Variants in VEGFC observed in about 807,000 individuals in gnomAD.
VEGFC encodes FLT4 ligand DHM.
A neutral mutation model predicts 46.1 loss-of-function variants in VEGFC; 12 were observed. The observed-to-expected ratio is 0.26, with a 90% CI of 0.17 to 0.42. VEGFC has a LOEUF of 0.42. Among genes scored for constraint, VEGFC ranks in the 10% least tolerant of loss-of-function variants. The probability of loss-of-function intolerance (pLI) is 1.00; values close to 1 mark genes in which losing one functional copy is unlikely to be tolerated. For missense variants in VEGFC, 488 were observed against 529.4 expected (o/e 0.92, Z 0.77); for synonymous variants, 232 against 195.5 (o/e 1.19, Z -1.56).
At chr4:176,744,306 G>T (rs1735224364) in intron 1 of VEGFC, among the ~76,000 whole-genome samples, 1 of 151,842 alleles carries the variant, frequency 6.6e-6, no homozygotes, top group Non-Finnish European at 1.5e-5. Flanking sequence ...TATACAGAGT[G>T]CTCAGAACAT....
intron 6 of VEGFC, among the ~76,000 whole-genome samples, chr4:176,685,481 T>C (rs1369359215): frequency 6.6e-6 from 1 of 152,168 alleles, no homozygotes; most frequent in African/African-American, 2.4e-5. Context: ...TAGGATGAGT[T>C]GCAGTAAACA....
chr4:176,747,107 AT>A (rs1427116666), intron 1 of VEGFC, among the ~76,000 whole-genome samples: 49 of 152,262 alleles, frequency 3.2e-4, no homozygotes, highest in African/African-American at 1.2e-3. Context: ...TCATGGAAAT[AT>A]ATCATGGGAT....
intron 3 of VEGFC, among the ~76,000 whole-genome samples, chr4:176,717,807 C>A (rs1055477192): frequency 6.6e-6 from 1 of 152,034 alleles, no homozygotes; most frequent in African/African-American, 2.4e-5. Context: ...TTTAAAACTA[C>A]AACGAATTTA....
chr4:176,740,440 CTA>C (rs1490614617), intron 1 of VEGFC, among the ~76,000 whole-genome samples: 9 of 8,850 alleles, frequency 1.0e-3, no homozygotes, highest in East Asian at 0.033. Flanking sequence ...TATATATATT[CTA>C]TATAGAGTAT....
At chr4:176,749,865 C>T (rs1196774913) in intron 1 of VEGFC, among the ~76,000 whole-genome samples, 1 of 151,146 alleles carries the variant, frequency 6.6e-6, no homozygotes, top group Non-Finnish European at 1.5e-5. Context: ...ACTCCAGAAC[C>T]CCTACTTAAC....
At chr4:176,779,969 T>G (rs1735883934) in intron 1 of VEGFC, among the ~76,000 whole-genome samples, 1 of 152,206 alleles carries the variant, frequency 6.6e-6, no homozygotes, top group South Asian at 2.1e-4. Flanking sequence ...TAAGACATCT[T>G]GGTCATATTT....
intron 1 of VEGFC, among the ~76,000 whole-genome samples, chr4:176,770,979 TACACAC>T (rs148140472): frequency 3.4e-4 from 51 of 148,408 alleles, no homozygotes; most frequent in Non-Finnish European, 6.1e-4. Flanking sequence ...AAGTAACTGA[TACACAC>T]ACACACACAC....
At chr4:176,757,534 T>C (rs148591751) in intron 1 of VEGFC, among the ~76,000 whole-genome samples, 5 of 151,916 alleles carry the variant, frequency 3.3e-5, no homozygotes, top group African/African-American at 1.2e-4. Flanking sequence ...GGTACAGTCA[T>C]AGATAATCAA....
intron 1 of VEGFC, among the ~76,000 whole-genome samples, chr4:176,769,628 T>A (rs1735689836): frequency 6.6e-6 from 1 of 152,198 alleles, no homozygotes; most frequent in South Asian, 2.1e-4. Flanking sequence ...TGAACATGAC[T>A]CACAGGGATG....
intron 2 of VEGFC, among the ~76,000 whole-genome samples, chr4:176,728,260 TTTTC>T (rs1398421015): frequency 6.6e-6 from 1 of 152,194 alleles, no homozygotes; most frequent in East Asian, 1.9e-4. Flanking sequence ...AATGTTTGGT[TTTTC>T]TTTCTTAGGA....
At chr4:176,755,376 A>T (rs958563648) in intron 1 of VEGFC, among the ~76,000 whole-genome samples, 2 of 152,020 alleles carry the variant, frequency 1.3e-5, no homozygotes, top group Non-Finnish European at 2.9e-5. Context: ...TTTTGTATAA[A>T]TACCCAGCTC....
chr4:176,726,065 G>A (rs113282805), intron 3 of VEGFC, among the ~76,000 whole-genome samples: 4 of 151,942 alleles, frequency 2.6e-5, no homozygotes, highest in African/African-American at 9.7e-5. Context: ...AAACTATAAC[G>A]TCTTATTGTT....
intron 3 of VEGFC, among the ~76,000 whole-genome samples, chr4:176,724,746 T>A (rs1226726463): frequency 6.6e-6 from 1 of 152,114 alleles, no homozygotes; most frequent in Non-Finnish European, 1.5e-5. Flanking sequence ...AAGCACAAGA[T>A]CAAGAATCAT....
intron 2 of VEGFC, among the ~76,000 whole-genome samples, chr4:176,728,460 G>A (rs1178771334): frequency 2.0e-5 from 3 of 152,114 alleles, no homozygotes; most frequent in Non-Finnish European, 2.9e-5. Context: ...CTTTTCAGGC[G>A]GACTATTTGG....
chr4:176,691,783 T>C (rs1734184571), intron 4 of VEGFC, among the ~76,000 whole-genome samples: 1 of 151,944 alleles, frequency 6.6e-6, no homozygotes, highest in Non-Finnish European at 1.5e-5. Flanking sequence ...AATTACCAGC[T>C]CTTGGGGAGG....
chr4:176,754,730 G>C (rs530305620), intron 1 of VEGFC, among the ~76,000 whole-genome samples: 1 of 152,074 alleles, frequency 6.6e-6, no homozygotes, highest in South Asian at 2.1e-4. Flanking sequence ...AGGTTCCAGG[G>C]AGTAGGTTGT....
chr4:176,702,232 A>C (rs1050990287), intron 4 of VEGFC, among the ~76,000 whole-genome samples: 2 of 152,176 alleles, frequency 1.3e-5, no homozygotes, highest in African/African-American at 4.8e-5. Context: ...CAAGCAAATA[A>C]GTTTTACTGA....
chr4:176,753,788 T>C (rs574415032), intron 1 of VEGFC, among the ~76,000 whole-genome samples: 6 of 152,218 alleles, frequency 3.9e-5, no homozygotes, highest in Non-Finnish European at 5.9e-5. Context: ...TCATCATAAA[T>C]ATAGCATATA....
At chr4:176,740,594 T>C (rs1184353242) in intron 1 of VEGFC, among the ~76,000 whole-genome samples, 1 of 148,640 alleles carries the variant, frequency 6.7e-6, no homozygotes, top group African/African-American at 2.5e-5. Context: ...TATAACTATA[T>C]ATATATTTGA....
Sources: gnomAD v4.1 joint callset for allele counts (sites outside exome capture counted in the v4.1 genomes callset) on GRCh38, gnomAD v4.1.1 for gene constraint, MANE v1.5 for transcripts, NCBI Gene and HGNC (gene_info 2026-07-23, HGNC 2026-07-21) for gene names.